DCC: variants seen among roughly 807,000 people sequenced by gnomAD.
DCC encodes the protein netrin receptor DCC.
In DCC, 58 loss-of-function variants were observed where a neutral mutation model predicts 172.5. The ratio of observed to expected loss-of-function variants is 0.34; its 90% confidence interval spans 0.27 to 0.42. The LOEUF (loss-of-function observed/expected upper bound fraction) is 0.42, where lower values mean the gene tolerates loss of function less well. DCC is among the 10% of genes least tolerant of loss of function. DCC has a pLI of 1.00. For missense variants in DCC, 1,740 were observed against 1,791.0 expected (o/e 0.97, Z 0.51); for synonymous variants, 709 against 644.5 (o/e 1.10, Z -1.52).
chr18:52,468,397 A>G (rs755563932), intron 1 of DCC, among the ~76,000 whole-genome samples: 13 of 152,214 alleles, frequency 8.5e-5, no homozygotes, highest in Non-Finnish European at 1.8e-4. Flanking sequence ...GAATCTTTCA[A>G]ACTCATTAGA....
intron 15 of DCC, among the ~76,000 whole-genome samples, chr18:53,368,770 G>A (rs1228281111): frequency 6.6e-6 from 1 of 151,870 alleles, no homozygotes; most frequent in Non-Finnish European, 1.5e-5. Flanking sequence ...GTTTATTTCT[G>A]GGTTCCCTAT....
At chr18:53,383,035 G>A (rs866151690) in intron 15 of DCC, among the ~76,000 whole-genome samples, 5 of 152,018 alleles carry the variant, frequency 3.3e-5, no homozygotes, top group Middle Eastern at 3.2e-3. Context: ...ATTTAATGAA[G>A]TATTATAAAT....
At chr18:53,464,575 G>C (rs1361371523) in intron 24 of DCC, among the ~76,000 whole-genome samples, 1 of 151,344 alleles carries the variant, frequency 6.6e-6, no homozygotes, top group Non-Finnish European at 1.5e-5. Flanking sequence ...AAAAAATCTT[G>C]TTTAACTTTT....
At position 52,767,890 on chromosome 18, in the gene DCC, T is replaced by A. The variant is rs553195508; in HGVS notation, c.412+15516T>A. On this transcript the variant is annotated intron_variant, in intron 2 of 28. Coordinates refer to ENST00000442544, the MANE Select transcript of DCC (RefSeq NM_005215.4). The stretch of plus-strand genomic sequence containing the variant: ...AAATGTGAATAAGATTACCAGATAA[T>A]GCCTCCCCAGTAAGCATGTTAGCAC... 4.1e-4 allele frequency among the ~76,000 whole-genome samples: 62 copies of A among 152,282 alleles called. 1 individual carries two copies. In the South Asian group the frequency reaches 0.012, roughly 30 times the overall value.
intron 12 of DCC, among the ~76,000 whole-genome samples, chr18:53,234,374 C>T (rs991644131): frequency 1.3e-5 from 2 of 151,816 alleles, no homozygotes; most frequent in African/African-American, 4.8e-5. Context: ...GGTTGCAGTG[C>T]GTAAGATCAC....
chr18:52,978,607 A>G (rs2041159656), intron 5 of DCC, among the ~76,000 whole-genome samples: 1 of 152,172 alleles, frequency 6.6e-6, no homozygotes, highest in African/African-American at 2.4e-5. Context: ...TGTGCCAAAG[A>G]CCACACAGTT....
At chr18:53,518,974 T>C (rs2046369892) in intron 27 of DCC, among the ~76,000 whole-genome samples, 2 of 152,124 alleles carry the variant, frequency 1.3e-5, no homozygotes, top group East Asian at 1.9e-4. Context: ...TGACAGAACA[T>C]TTATTTTTTA....
At chr18:53,226,948 A>ATTTTTTT (rs397976119) in intron 12 of DCC, among the ~76,000 whole-genome samples, 2 of 52,950 alleles carry the variant, frequency 3.8e-5, no homozygotes, top group African/African-American at 1.9e-4. Context: ...ATATATATAT[A>ATTTTTTT]TTTTTTTTTT....
At chr18:52,474,423 C>A (rs1989038195) in intron 1 of DCC, among the ~76,000 whole-genome samples, 1 of 152,292 alleles carries the variant, frequency 6.6e-6, no homozygotes, top group East Asian at 1.9e-4. Context: ...CATGCTTACC[C>A]TCTGCCTTCT....
At chr18:53,341,105 A>G (rs765806141) in intron 15 of DCC, among the ~76,000 whole-genome samples, 153 of 152,318 alleles carry the variant, frequency 1.0e-3, no homozygotes, top group Admixed American at 2.0e-3. Context: ...TGTAAAGGCA[A>G]TCACAAAACT....
chr18:53,012,802 T>C (rs926630515), intron 5 of DCC, among the ~76,000 whole-genome samples: 1 of 152,046 alleles, frequency 6.6e-6, no homozygotes, highest in Non-Finnish European at 1.5e-5. Context: ...ACCTACAGAA[T>C]GGGAGAAAAT....
At chr18:53,019,210 T>C (rs989556248) in intron 5 of DCC, among the ~76,000 whole-genome samples, 2 of 152,206 alleles carry the variant, frequency 1.3e-5, no homozygotes, top group Admixed American at 6.5e-5. Context: ...CCCAACTCAA[T>C]GTTACTTCAA....
At chr18:52,660,057 T>C (rs1358685093) in intron 1 of DCC, among the ~76,000 whole-genome samples, 1 of 152,136 alleles carries the variant, frequency 6.6e-6, no homozygotes, top group East Asian at 1.9e-4. Context: ...CGCCCGCCAA[T>C]TAATGGTAGA....
intron 12 of DCC, among the ~76,000 whole-genome samples, chr18:53,260,764 C>T (rs2056586902): frequency 6.6e-6 from 1 of 152,142 alleles, no homozygotes; most frequent in Non-Finnish European, 1.5e-5. Context: ...GCAGAGTTTT[C>T]TGCTGCCTTT....
chr18:52,441,299 T>C (rs2144495573), intron 1 of DCC, among the ~76,000 whole-genome samples: 1 of 152,144 alleles, frequency 6.6e-6, no homozygotes, highest in Middle Eastern at 3.4e-3. Context: ...ATGAGATGAG[T>C]GGCTGAGATA....
intron 12 of DCC, among the ~76,000 whole-genome samples, chr18:53,250,573 C>T (rs1018684128): frequency 8.6e-5 from 13 of 151,904 alleles, no homozygotes; most frequent in African/African-American, 2.9e-4. Context: ...CCCTTTCTTC[C>T]ACAGGCTTCT....
intron 1 of DCC, among the ~76,000 whole-genome samples, chr18:52,435,380 T>C (rs1314586374): frequency 6.6e-6 from 1 of 152,168 alleles, no homozygotes; most frequent in Non-Finnish European, 1.5e-5. Flanking sequence ...TATTTCATAA[T>C]GGCCTTTTCC....
intron 1 of DCC, among the ~76,000 whole-genome samples, chr18:52,451,000 G>A (rs1037695351): frequency 6.6e-6 from 1 of 152,196 alleles, no homozygotes; most frequent in Admixed American, 6.5e-5. Context: ...TAAATGTAAA[G>A]ATATTAAAAT....
intron 1 of DCC, among the ~76,000 whole-genome samples, chr18:52,486,104 C>A (rs777280298): frequency 2.0e-5 from 3 of 152,080 alleles, no homozygotes; most frequent in African/African-American, 7.2e-5. Context: ...AAGAGATTCT[C>A]CCACCGCAGC....
Sources: gnomAD v4.1 joint callset for allele counts (sites outside exome capture counted in the v4.1 genomes callset) on GRCh38, gnomAD v4.1.1 for gene constraint, MANE v1.5 for transcripts, NCBI Gene and HGNC (gene_info 2026-07-23, HGNC 2026-07-21) for gene names.